The following ANK1 variants were observed in gnomAD, a reference collection of about 807,000 sequenced individuals.
ANK1 encodes ankyrin 1, also known as ankyrin-1.
ANK1 carries 51 observed loss-of-function variants against 210.4 expected under a neutral mutation model. The ratio of observed to expected loss-of-function variants is 0.24; its 90% CI spans 0.19 to 0.31. ANK1 has a LOEUF of 0.31. Among genes scored for constraint, ANK1 ranks in the 10% least tolerant of loss-of-function variants. The pLI, the probability that ANK1 is intolerant of heterozygous loss-of-function variation, is 1.00. For missense variants in ANK1, 2,051 were observed against 2,504.4 expected (o/e 0.82, Z 3.86); for synonymous variants, 967 against 1,025.9 (o/e 0.94, Z 1.10).
At chr8:41,808,939 G>A (rs574786026) in intron 1 of ANK1, among the ~76,000 whole-genome samples, 35 of 152,228 alleles carry the variant, frequency 2.3e-4, no homozygotes, top group African/African-American at 8.2e-4. Flanking sequence ...TCTCTGCACC[G>A]TGCTGGCAAA....
In ANK1 at chr8:41,812,615, T is replaced by A. The variant is rs184623197; in HGVS notation, c.127-54478A>T. On this transcript the variant is annotated intron_variant, in intron 1 of 42. Transcript: ENST00000265709. ...ACAGCTTCTTAGAGCTACTCTTGTG[T>A]CTGCAGTTTCTTAGAATAACCAGCA... Among the ~76,000 whole-genome samples the A allele has an allele frequency of 9.8e-3, 1,497 of 152,366 alleles. 35 individuals carry two copies. Among genetic ancestry groups the A allele is most frequent in the African/African-American group, 0.035 (1,436 of 41,588 alleles).
chr8:41,772,920 C>G (rs1351541218), intron 1 of ANK1, among the ~76,000 whole-genome samples: 1 of 152,102 alleles, frequency 6.6e-6, no homozygotes, highest in African/African-American at 2.4e-5. Flanking sequence ...CCACTCAGAC[C>G]CAGCCAGCGA....
intron 1 of ANK1, among the ~76,000 whole-genome samples, chr8:41,894,174 A>T (rs1563979043): frequency 6.6e-6 from 1 of 152,138 alleles, no homozygotes; most frequent in Non-Finnish European, 1.5e-5. Context: ...GCACCCAAAG[A>T]ATCAGTCCTA....
intron 1 of ANK1, among the ~76,000 whole-genome samples, chr8:41,877,660 T>C (rs7833670): frequency 1 from 151,700 of 152,390 alleles, 75,506 homozygotes; most frequent in Middle Eastern, 1. Flanking sequence ...TAGGACCATT[T>C]CAGATAGTGA....
intron 22 of ANK1, among the ~76,000 whole-genome samples, chr8:41,700,781 G>A (rs1822545107): frequency 6.6e-6 from 1 of 152,098 alleles, no homozygotes; most frequent in African/African-American, 2.4e-5. Flanking sequence ...TTTTCTTTTA[G>A]AGACAGGGTC....
intron 1 of ANK1, among the ~76,000 whole-genome samples, chr8:41,860,980 G>A (rs1813163868): frequency 6.6e-6 from 1 of 152,168 alleles, no homozygotes; most frequent in African/African-American, 2.4e-5. Context: ...AACAACCTCG[G>A]AAATGCCTTA....
intron 1 of ANK1, among the ~76,000 whole-genome samples, chr8:41,802,939 GAGAGAGAAA>G (rs1850122183): frequency 2.6e-5 from 1 of 38,390 alleles, no homozygotes; most frequent in Non-Finnish European, 5.0e-5. Flanking sequence ...GAGAGAAAGG[GAGAGAGAAA>G]GGGGGGGGGG....
intron 1 of ANK1, among the ~76,000 whole-genome samples, chr8:41,811,920 A>G (rs1429531654): frequency 1.3e-5 from 2 of 152,222 alleles, no homozygotes; most frequent in Non-Finnish European, 2.9e-5. Flanking sequence ...CTAACACAAG[A>G]CAAAGAGCAA....
rs545456465 is a variant in ANK1 at position 41,790,042 on chromosome 8, G to A, written c.27+7470C>T. On this transcript the variant is annotated intron_variant, in intron 1 of 42. Coordinates refer to ENST00000289734, the MANE Select transcript of ANK1 (RefSeq NM_000037.4). ...AGAATCTGGGCAGTTCCTGTCACCC[G>A]CCTCCAGGTCCACTGTAAGTCCCAC... Among the ~76,000 whole-genome samples, 526 of 152,074 alleles carry A rather than the reference G, an allele frequency of 3.5e-3. 4 individuals are homozygous for A. The highest frequency in any genetic ancestry group is 5.3e-3 in the Non-Finnish European group (363 of 68,008).
Position 41,714,225 on chromosome 8 carries a change from G to C in ANK1, c.1731C>G (p.Val577=), listed in dbSNP as rs777088455. The C allele has an allele frequency of 1.3e-5, 20 of 1,540,608 alleles. No individual in the cohort carries two copies. Among genetic ancestry groups the C allele is most frequent in the South Asian group, 1.1e-4 (9 of 79,154 alleles). ...KNGLTPLHVA[V]HHNNLDIVKL... ...TGACGATGTCCAGGTTGTTGTGATG[G>C]ACGGCCACGTGCAGGGGGGTCAGGC... The change falls in exon 16 of 43, where the codon GTC becomes GTG. Residue 577 remains valine (V), a synonymous_variant. Coordinates refer to ENST00000289734, the MANE Select transcript of ANK1 (RefSeq NM_000037.4).
chr8:41,842,000 T>A (rs79750294), intron 1 of ANK1, among the ~76,000 whole-genome samples: 1 of 152,178 alleles, frequency 6.6e-6, no homozygotes, highest in Non-Finnish European at 1.5e-5. Context: ...CACACACTTA[T>A]CTGGACAAGG....
chr8:41,862,511 A>T (rs1189926587), intron 1 of ANK1, among the ~76,000 whole-genome samples: 2 of 152,182 alleles, frequency 1.3e-5, no homozygotes, highest in African/African-American at 4.8e-5. Flanking sequence ...GGGGGAAAGG[A>T]CACACTCAAC....
chr8:41,758,125 T>A lies in ANK1; in HGVS notation c.40A>T (p.Thr14Ser). 1.2e-5 allele frequency: 19 copies of A among 1,613,824 alleles called. No homozygotes were observed. The highest frequency in any genetic ancestry group is 1.6e-5 in the Non-Finnish European group (19 of 1,179,976). The change falls in exon 2 of 43, where the codon ACC (threonine) becomes TCC (serine). Residue 14 changes from threonine to serine, a missense_variant. By Grantham distance (58) the Thr-to-Ser change is moderately conservative. Transcript: ENST00000289734. The stretch of plus-strand genomic sequence containing the variant: ...GATCTTGCTGCTCTCAGAAAGCTGG[T>A]AGCAGCATCGGCCTGTGAGGAAAAA... ...SVGFREADAA[T>S]SFLRAARSGN...
chr8:41,807,968 GGGA>G (rs566961146), intron 1 of ANK1, among the ~76,000 whole-genome samples: 3 of 151,292 alleles, frequency 2.0e-5, no homozygotes, highest in Non-Finnish European at 3.0e-5. Flanking sequence ...AGAGGAGGAG[GGGA>G]GGAGGAGGAG....
chr8:41,866,188 TG>T (rs5891176), intron 1 of ANK1, among the ~76,000 whole-genome samples: 2,761 of 152,294 alleles, frequency 0.018, 101 homozygotes, highest in African/African-American at 0.062. Context: ...TTTCTTTTTT[TG>T]GAGTGGGTGG....
intron 3 of ANK1, among the ~76,000 whole-genome samples, chr8:41,729,858 C>G (rs1016560930): frequency 2.6e-5 from 4 of 152,162 alleles, no homozygotes; most frequent in African/African-American, 9.6e-5. Flanking sequence ...TGCCCTGCAC[C>G]TGAGCCCCCA....
intron 1 of ANK1, among the ~76,000 whole-genome samples, chr8:41,771,271 C>T (rs1265252838): frequency 6.6e-6 from 1 of 152,096 alleles, no homozygotes; most frequent in Non-Finnish European, 1.5e-5. Context: ...AAAACCTCAA[C>T]ATTTGATCTG....
intron 2 of ANK1, among the ~76,000 whole-genome samples, chr8:41,755,843 T>C (rs1007451502): frequency 1.3e-5 from 2 of 152,210 alleles, no homozygotes; most frequent in African/African-American, 2.4e-5. Context: ...GCTGTGGATA[T>C]GTGGATGTTG....
intron 1 of ANK1, among the ~76,000 whole-genome samples, chr8:41,848,187 A>AAAAAAAATAAAT (rs1554650902): frequency 3.5e-5 from 5 of 142,872 alleles, no homozygotes; most frequent in African/African-American, 1.3e-4. Flanking sequence ...CTCAATTTCA[A>AAAAAAAATAAAT]AAATAAATAA....
Sources: allele counts gnomAD v4.1 joint callset (sites outside exome capture counted in the v4.1 genomes callset), GRCh38; gene constraint gnomAD v4.1.1; transcripts MANE v1.5; gene names NCBI Gene and HGNC (gene_info 2026-07-23, HGNC 2026-07-21).